The following DMGDH variants were observed in gnomAD, a reference collection of about 807,000 sequenced individuals.
DMGDH encodes dimethylglycine dehydrogenase, mitochondrial.
Under a neutral mutation model 95.2 loss-of-function variants are expected in DMGDH, and 76 were observed. That is an observed-to-expected ratio of 0.80 (90% confidence interval 0.66 to 0.97). The LOEUF (loss-of-function observed/expected upper bound fraction) is 0.97. Among genes scored for constraint, DMGDH ranks in the 50% least tolerant of loss-of-function variants. The pLI is 0.00. For synonymous variants in DMGDH, 345 were observed against 377.6 expected (o/e 0.91, Z 1.00); for missense variants, 987 against 1,055.0 (o/e 0.94, Z 0.89).
intron 15 of DMGDH, chr5:79,000,817 C>A: frequency 1.6e-6 from 1 of 630,384 alleles, no homozygotes. Flanking sequence ...CAGGTACTCT[C>A]ACCGAACCAG....
At chr5:79,036,422 A>C (rs191046432) in intron 7 of DMGDH, among the ~76,000 whole-genome samples, 2 of 152,306 alleles carry the variant, frequency 1.3e-5, no homozygotes, top group East Asian at 1.9e-4. Context: ...TGGATGTTAC[A>C]TCTTATAGCA....
intron 13 of DMGDH, among the ~76,000 whole-genome samples, chr5:79,025,715 A>G (rs547272799): frequency 1.3e-5 from 2 of 152,314 alleles, no homozygotes; most frequent in African/African-American, 4.8e-5. Flanking sequence ...TTTCAGGTCT[A>G]AAACCTCAGT....
chr5:79,021,734 A>G, intron 14 of DMGDH: 1 of 1,285,684 alleles, frequency 7.8e-7, no homozygotes, highest in Non-Finnish European at 1.0e-6. Context: ...GGAAGTGTCT[A>G]TTAATAAAAG....
chr5:79,060,273 A>G (rs1018508817), intron 2 of DMGDH, among the ~76,000 whole-genome samples: 7 of 152,134 alleles, frequency 4.6e-5, no homozygotes, highest in African/African-American at 1.4e-4. Flanking sequence ...ACCATCCCCA[A>G]GGGCAGCCCC....
chr5:79,028,571 C>T lies in DMGDH; in HGVS notation c.1894G>A (p.Val632Ile). Residue 632 changes from valine to isoleucine, a missense_variant, in exon 12 of 16, where the codon GTT (valine) becomes ATT (isoleucine). Transcript: ENST00000255189. The part of the protein sequence containing the change: ...NITDELGVLG[V>I]AGPQARKVLQ... Reference sequence around the variant, plus strand: ...ACCTTTCTTGCCTGTGGCCCAGCAACTCCAAGAACTCCAAGCTCATCAGTT... The same window carrying T: ...ACCTTTCTTGCCTGTGGCCCAGCAATTCCAAGAACTCCAAGCTCATCAGTT... 6.2e-7 allele frequency: 1 copy of T among 1,614,116 alleles called. No individual in the cohort carries two copies. The highest frequency in any genetic ancestry group is 1.1e-5 in the South Asian group (1 of 91,078).
intron 14 of DMGDH, among the ~76,000 whole-genome samples, chr5:79,022,065 C>T: frequency 6.6e-6 from 1 of 152,242 alleles, no homozygotes; most frequent in South Asian, 2.1e-4. Context: ...AGTGTAAATG[C>T]CTAAGGGCCA....
At chr5:79,032,607 A>G (rs183411186) in intron 9 of DMGDH, 80 bp downstream of exon 9, 154 of 1,579,206 alleles carry the variant, frequency 9.8e-5, no homozygotes, top group Non-Finnish European at 1.3e-4. Flanking sequence ...AATGGAGTGT[A>G]AGGCAGAATC....
chr5:79,023,816 A>G (rs1348866120), intron 14 of DMGDH, among the ~76,000 whole-genome samples: 3 of 152,234 alleles, frequency 2.0e-5, no homozygotes, highest in African/African-American at 7.2e-5. Flanking sequence ...GATGCTTGAT[A>G]AGCAGATGGA....
At chr5:79,033,978 C>T (rs898189569) in intron 7 of DMGDH, among the ~76,000 whole-genome samples, 7 of 152,064 alleles carry the variant, frequency 4.6e-5, no homozygotes, top group Non-Finnish European at 1.0e-4. Flanking sequence ...CAAAATAGCT[C>T]TTTATGGGGA....
intron 14 of DMGDH, chr5:79,021,335 C>A: frequency 9.0e-7 from 1 of 1,109,164 alleles, no homozygotes; most frequent in Non-Finnish European, 1.1e-6. Flanking sequence ...TGAGAGCCAT[C>A]AGGAGTATAT....
intron 12 of DMGDH, among the ~76,000 whole-genome samples, chr5:79,026,794 A>G (rs894108496): frequency 2.6e-5 from 4 of 152,174 alleles, no homozygotes; most frequent in Admixed American, 2.6e-4. Flanking sequence ...CCTGACTCCC[A>G]TGTAGATGGT....
chr5:79,033,196 A>G, intron 8 of DMGDH, 43 bp downstream of exon 8: 1 of 1,611,446 alleles, frequency 6.2e-7, no homozygotes. Context: ...CTACAATTCA[A>G]TTCCGTCAAC....
chr5:79,050,261 AAAAAAAAAAAAAATAT>A lies in DMGDH; in HGVS notation c.745+1010_745+1025del, dbSNP rs1476266316. Among the ~76,000 whole-genome samples, 549 of 61,980 alleles carry A rather than the reference AAAAAAAAAAAAAATAT, an allele frequency of 8.9e-3. 2 individuals are homozygous for A. The highest frequency in any genetic ancestry group is 0.014 in the Middle Eastern group (2 of 144). 40.7% of individuals were successfully genotyped at this position (61,980 alleles called of 152,430 possible). ...AAAACTTTGTCTCAAAAAAAAAAAA[AAAAAAAAAAAAAATAT>A]ATATATATATATATATATATATATA... is the stretch of plus-strand genomic sequence containing the variant. On this transcript the variant is annotated intron_variant, in intron 5 of 15. Coordinates refer to ENST00000255189, the MANE Select transcript of DMGDH (RefSeq NM_013391.3).
chr5:79,037,068 G>A (rs1329940713), intron 7 of DMGDH, among the ~76,000 whole-genome samples: 1 of 152,068 alleles, frequency 6.6e-6, no homozygotes, highest in Non-Finnish European at 1.5e-5. Flanking sequence ...GCCAGAAGGT[G>A]GCCATCTGCA....
At chr5:79,058,766 G>C (rs1005541163) in intron 2 of DMGDH, among the ~76,000 whole-genome samples, 7 of 152,216 alleles carry the variant, frequency 4.6e-5, no homozygotes, top group Non-Finnish European at 1.0e-4. Context: ...AAGTACAGGA[G>C]AATGTAAAGG....
In DMGDH at chr5:79,005,322, G is replaced by T. The variant is rs550575975; in HGVS notation, c.2336C>A (p.Thr779Lys). 8.7e-6 allele frequency: 14 copies of T among 1,613,544 alleles called. No homozygotes were observed. The South Asian group carries it at 1.3e-4, about 15-fold the overall frequency. ...ATTTCCCTCTGGATCAACATCATCC[G>T]TTGCCAAGGTGAGGCAGACCAGTCT... ...KRRLVCLTLA[T>K]DDVDPEGNES... Residue 779 changes from threonine (T) to lysine (K), a missense_variant, in exon 15 of 16, where the codon ACG (threonine) becomes AAG (lysine). Thr to Lys is a moderately conservative substitution (Grantham distance 78, BLOSUM62 -1). Coordinates refer to ENST00000255189, the MANE Select transcript of DMGDH (RefSeq NM_013391.3).
Position 79,006,591 on chromosome 5 carries a change from T to G in DMGDH, c.2251-1184A>C, listed in dbSNP as rs544075398. ...AATAAGATTTAATCAGAGATCACAA[T>G]GTGGAAAACAAGATTCTCCAAACAG... is the stretch of plus-strand genomic sequence containing the variant. On this transcript the variant is annotated intron_variant, in intron 14 of 15. Coordinates refer to ENST00000255189, the MANE Select transcript of DMGDH (RefSeq NM_013391.3). Among the ~76,000 whole-genome samples the G allele has an allele frequency of 1.9e-4, 29 of 152,324 alleles. No individual in the cohort carries two copies. In the South Asian group the frequency reaches 6.0e-3, roughly 32 times the overall value.
chr5:79,031,817 ATC>A (rs917935911), intron 9 of DMGDH, among the ~76,000 whole-genome samples: 2 of 152,226 alleles, frequency 1.3e-5, no homozygotes, highest in Admixed American at 1.3e-4. Flanking sequence ...GCCAGATCCA[ATC>A]AGCACTAAGT....
At chr5:79,013,173 C>T (rs1423299391) in intron 14 of DMGDH, among the ~76,000 whole-genome samples, 2 of 152,316 alleles carry the variant, frequency 1.3e-5, no homozygotes, top group South Asian at 2.1e-4. Context: ...AGCCAGGCCA[C>T]ATCTTGAATG....
Sources: allele counts gnomAD v4.1 joint callset (sites outside exome capture counted in the v4.1 genomes callset), GRCh38; gene constraint gnomAD v4.1.1; transcripts MANE v1.5; gene names NCBI Gene and HGNC (gene_info 2026-07-23, HGNC 2026-07-21).